The following PLCE1 variants were observed in gnomAD, a reference collection of about 807,000 sequenced individuals.
The protein encoded by PLCE1 is 1-phosphatidylinositol 4,5-bisphosphate phosphodiesterase epsilon-1.
Under a neutral mutation model 242.8 loss-of-function variants are expected in PLCE1, and 119 were observed. The ratio of observed to expected loss-of-function variants is 0.49; its 90% CI spans 0.42 to 0.57. PLCE1 has a LOEUF of 0.57. Ranked by LOEUF, PLCE1 falls within the 20% of genes least tolerant of loss-of-function variation. The pLI, the probability that PLCE1 is intolerant of heterozygous loss-of-function variation, is 0.00. For synonymous variants in PLCE1, 945 were observed against 1,017.4 expected (o/e 0.93, Z 1.35); for missense variants, 2,441 against 2,788.8 (o/e 0.88, Z 2.81).
Position 94,329,131 on chromosome 10 carries a change from G to A in PLCE1, c.*1188G>A, listed in dbSNP as rs1381175515. ...TGCTCTGAACATCTGAAATGGGCTA[G>A]ACTTTCAAGTAAAATTGCTTCATTT... On this transcript the variant is annotated 3_prime_UTR_variant, in exon 33 of 33. Coordinates refer to ENST00000371380, the MANE Select transcript of PLCE1 (RefSeq NM_016341.4). 1 of 152,166 alleles carries A rather than the reference G, an allele frequency of 6.6e-6. No individual in the cohort carries two copies. The highest frequency in any genetic ancestry group is 1.5e-5 in the Non-Finnish European group (1 of 68,022). 9.4% of individuals were successfully genotyped at this position (152,166 alleles called of 1,614,324 possible). A position where few individuals can be genotyped will look rare whatever the true frequency, so the allele number is the denominator to read the frequency against.
At position 94,313,257 on chromosome 10, in the gene PLCE1, T is replaced by C. The variant is rs200908827; in HGVS notation, c.6007T>C (p.Phe2003Leu). The C allele has an allele frequency of 5.6e-6, 9 of 1,614,020 alleles. No homozygotes were observed. The highest frequency in any genetic ancestry group is 7.6e-6 in the Non-Finnish European group (9 of 1,179,944). Reference protein sequence around the residue: ...SGNTMSASSMFNTEERKCLQT... With the variant: ...SGNTMSASSMLNTEERKCLQT... ...AGCCATGTGATCTTCTTGACAGATG[T>C]TTAATACAGAAGAAAGAAAATGTTT... Residue 2003 changes from phenylalanine to leucine, a missense_variant, in exon 28 of 33, where the codon TTT (phenylalanine) becomes CTT (leucine). Phe to Leu is a conservative substitution (Grantham distance 22, BLOSUM62 0). Coordinates refer to ENST00000371380, the MANE Select transcript of PLCE1 (RefSeq NM_016341.4).
chr10:94,079,809 A>G (rs1033763397), intron 2 of PLCE1, among the ~76,000 whole-genome samples: 3 of 152,172 alleles, frequency 2.0e-5, no homozygotes, highest in African/African-American at 4.8e-5. Flanking sequence ...TGTTGCTGAC[A>G]TGATTCCCTT....
At chr10:94,139,701 C>A (rs561183002) in intron 3 of PLCE1, among the ~76,000 whole-genome samples, 77 of 152,224 alleles carry the variant, frequency 5.1e-4, no homozygotes, top group Non-Finnish European at 5.1e-4. Context: ...GCCTTGCCCC[C>A]CTTTCCTCCC....
chr10:94,305,773 G>T (rs2053179492), intron 25 of PLCE1, among the ~76,000 whole-genome samples: 1 of 152,164 alleles, frequency 6.6e-6, no homozygotes, highest in South Asian at 2.1e-4. Flanking sequence ...AAATCCTGTG[G>T]CATTTTGAAC....
chr10:94,017,622 G>A (rs2061305480), intron 1 of PLCE1, among the ~76,000 whole-genome samples: 3 of 152,090 alleles, frequency 2.0e-5, no homozygotes, highest in Admixed American at 2.0e-4. Flanking sequence ...TGGTGTTGGT[G>A]TTGATTATAA....
intron 24 of PLCE1, among the ~76,000 whole-genome samples, chr10:94,300,277 C>T (rs1405939853): frequency 6.6e-6 from 1 of 152,196 alleles, no homozygotes; most frequent in African/African-American, 2.4e-5. Context: ...AGCTGCCACT[C>T]CATGGGCCAT....
rs545353779 is a variant in PLCE1 at position 94,295,211 on chromosome 10, C to A, written c.5167+1572C>A. ...GATTACAGGTGTGAGCCACCGCGCC[C>A]GGCCATGGTAGAACTTTCAAAATTG... On this transcript the variant is annotated intron_variant, in intron 23 of 32. Coordinates refer to ENST00000371380, the MANE Select transcript of PLCE1 (RefSeq NM_016341.4). Among the ~76,000 whole-genome samples the A allele has an allele frequency of 3.3e-5, 5 of 152,166 alleles. No individual in the cohort carries two copies. In the South Asian group the frequency reaches 1.0e-3, roughly 32 times the overall value.
intron 1 of PLCE1, among the ~76,000 whole-genome samples, chr10:94,028,608 A>C (rs1564632860): frequency 2.0e-5 from 3 of 152,106 alleles, no homozygotes. Context: ...CATATTTTAA[A>C]ACCATCACAC....
At chr10:94,159,797 T>C (rs1203663609) in intron 3 of PLCE1, among the ~76,000 whole-genome samples, 1 of 152,054 alleles carries the variant, frequency 6.6e-6, no homozygotes, top group Non-Finnish European at 1.5e-5. Flanking sequence ...GGCCCCGATG[T>C]GTGATGTTCC....
chr10:94,022,896 A>G (rs2061396758), intron 1 of PLCE1, among the ~76,000 whole-genome samples: 1 of 152,172 alleles, frequency 6.6e-6, no homozygotes, highest in Admixed American at 6.6e-5. Flanking sequence ...AAAGGGTCAA[A>G]TGTTTATTAA....
In PLCE1 at chr10:94,031,727, G is replaced by T. The variant is rs894468303; in HGVS notation, c.681G>T (p.Lys227Asn). The T allele has an allele frequency of 1.2e-6, 2 of 1,613,786 alleles. No homozygotes were observed. The highest frequency in any genetic ancestry group is 1.7e-6 in the Non-Finnish European group (2 of 1,179,852). Reference protein sequence around the residue: ...VPLPGGEEKQKKNYVAYTCKL... With the variant: ...VPLPGGEEKQNKNYVAYTCKL... ...TACCTGGGGGTGAGGAGAAGCAAAA[G>T]AAAAACTATGTGGCATATACCTGTA... Residue 227 changes from lysine (K) to asparagine (N), a missense_variant, in exon 2 of 33, where the codon AAG becomes AAT. Lys to Asn is a moderately conservative substitution (Grantham distance 94, BLOSUM62 0). Coordinates refer to ENST00000371380, the MANE Select transcript of PLCE1 (RefSeq NM_016341.4).
chr10:94,304,210 G>C (rs1261591245), intron 24 of PLCE1, among the ~76,000 whole-genome samples: 1 of 152,162 alleles, frequency 6.6e-6, no homozygotes, highest in African/African-American at 2.4e-5. Flanking sequence ...ATTTCACCTA[G>C]TTTGGAGTGG....
chr10:94,065,404 G>A (rs1305774090), intron 2 of PLCE1, among the ~76,000 whole-genome samples: 5 of 152,172 alleles, frequency 3.3e-5, no homozygotes, highest in Non-Finnish European at 7.3e-5. Flanking sequence ...CAGAATCATG[G>A]CCAATCTTCT....
chr10:94,062,586 T>TG lies in PLCE1; in HGVS notation c.1206+30334_1206+30335insG, dbSNP rs1016599454. ...AGTTATTGGTTTCTTGGTTTTGTTT[T>TG]TTTTTTTGTTTTGTTTTGTTTTTTT... On this transcript the variant is annotated intron_variant, in intron 2 of 32. Transcript: ENST00000371380. 6.9e-5 allele frequency among the ~76,000 whole-genome samples: 8 copies of TG among 115,938 alleles called. No homozygotes were observed. In the East Asian group the frequency reaches 7.7e-4, roughly 11 times the overall value. 76.1% of individuals were successfully genotyped at this position (115,938 alleles called of 152,430 possible).
At chr10:94,293,735 C>A (rs954623572) in intron 23 of PLCE1, 96 bp downstream of exon 23, 11 of 1,376,698 alleles carry the variant, frequency 8.0e-6, no homozygotes, top group African/African-American at 5.7e-5. Flanking sequence ...TTTTTTAATT[C>A]TTTTTCCTGA....
chr10:94,158,889 TCTTGTTGCC>T (rs2047519810), intron 3 of PLCE1, among the ~76,000 whole-genome samples: 1 of 145,524 alleles, frequency 6.9e-6, no homozygotes, highest in Non-Finnish European at 1.5e-5. Flanking sequence ...GGAGTTTCGC[TCTTGTTGCC>T]CAGGCTGGAG....
Position 94,111,386 on chromosome 10 carries a change from A to G in PLCE1, c.1207-20788A>G, listed in dbSNP as rs189265206. Reference sequence around the variant, plus strand: ...GGTCACAAAAGGAGGTGGAAGCCAAATTCCCAGCCTGAGATGGGAATGAAA... The same window carrying G: ...GGTCACAAAAGGAGGTGGAAGCCAAGTTCCCAGCCTGAGATGGGAATGAAA... On this transcript the variant is annotated intron_variant, in intron 2 of 32. Transcript: ENST00000371380. Among the ~76,000 whole-genome samples, 16 of 152,322 alleles carry G rather than the reference A, an allele frequency of 1.1e-4. No individual in the cohort carries two copies. In the East Asian group the frequency reaches 3.1e-3, roughly 29 times the overall value.
chr10:94,253,565 G>A (rs1299651745), intron 9 of PLCE1, among the ~76,000 whole-genome samples: 2 of 152,054 alleles, frequency 1.3e-5, no homozygotes, highest in African/African-American at 4.8e-5. Flanking sequence ...ATGTTGCCCA[G>A]GCTGGTCTCG....
chr10:94,157,030 A>T (rs538624261), intron 3 of PLCE1, among the ~76,000 whole-genome samples: 1 of 152,156 alleles, frequency 6.6e-6, no homozygotes. Context: ...GGTCTTTTTT[A>T]AATTGGGGGA....
Sources: gnomAD v4.1 joint callset for allele counts (sites outside exome capture counted in the v4.1 genomes callset) on GRCh38, gnomAD v4.1.1 for gene constraint, MANE v1.5 for transcripts, NCBI Gene and HGNC (gene_info 2026-07-23, HGNC 2026-07-21) for gene names.